Variants in MYO9A observed in about 807,000 individuals in gnomAD.
MYO9A encodes unconventional myosin-IXa.
A neutral mutation model predicts 293.3 loss-of-function variants in MYO9A; 103 were observed. The observed-to-expected ratio is 0.35, with a 90% confidence interval of 0.30 to 0.41. The LOEUF (loss-of-function observed/expected upper bound fraction) is 0.41, where lower values mean the gene tolerates loss of function less well. MYO9A is among the 10% of genes least tolerant of loss of function. The probability of loss-of-function intolerance (pLI) is 1.00; values close to 1 mark genes in which losing one functional copy is unlikely to be tolerated. For missense variants in MYO9A, 2,685 were observed against 3,033.0 expected (o/e 0.89, Z 2.69); for synonymous variants, 1,001 against 1,035.7 (o/e 0.97, Z 0.64).
In MYO9A at chr15:71,916,437, C is replaced by T. The variant is rs752551084; in HGVS notation, c.2618G>A (p.Arg873His). Reference sequence around the variant, plus strand: ...TAAATGAAGAAGAGACTTGGTAATGCGATCTTGTAGTGTCAGTCTTGTCAG... The same window carrying T: ...TAAATGAAGAAGAGACTTGGTAATGTGATCTTGTAGTGTCAGTCTTGTCAG... ...KHLTRLTLQD[R>H]ITKSLLHLHK... The change falls in exon 19 of 42, where the codon CGC (arginine) becomes CAC (histidine). Residue 873 changes from arginine to histidine, a missense_variant. By Grantham distance (29) the Arg-to-His change is conservative. Transcript: ENST00000356056. The T allele has an allele frequency of 2.9e-5, 46 of 1,613,198 alleles. No individual in the cohort carries two copies. The highest frequency in any genetic ancestry group is 3.6e-5 in the Non-Finnish European group (42 of 1,179,700).
intron 19 of MYO9A, among the ~76,000 whole-genome samples, chr15:71,906,173 T>C (rs942645500): frequency 6.6e-6 from 1 of 152,192 alleles, no homozygotes; most frequent in South Asian, 2.1e-4. Flanking sequence ...TTAATTCTAT[T>C]ATAAATACAA....
intron 1 of MYO9A, among the ~76,000 whole-genome samples, chr15:72,056,762 G>A (rs1431116423): frequency 1.3e-5 from 2 of 152,158 alleles, no homozygotes; most frequent in African/African-American, 2.4e-5. Context: ...GATCACCTGA[G>A]GTCAGGAGTT....
intron 1 of MYO9A, among the ~76,000 whole-genome samples, chr15:72,106,814 G>A (rs894556130): frequency 9.9e-5 from 15 of 152,032 alleles, no homozygotes; most frequent in Admixed American, 7.9e-4. Flanking sequence ...AAAATAAGTA[G>A]ACCTAACTGC....
chr15:71,855,421 C>T (rs1268827909), intron 34 of MYO9A, among the ~76,000 whole-genome samples: 6 of 152,204 alleles, frequency 3.9e-5, no homozygotes, highest in Admixed American at 3.9e-4. Flanking sequence ...CAGGCATGAA[C>T]CACTGTGTCC....
intron 6 of MYO9A, among the ~76,000 whole-genome samples, chr15:72,014,380 C>T (rs1014668447): frequency 3.3e-5 from 5 of 152,058 alleles, no homozygotes; most frequent in Non-Finnish European, 4.4e-5. Flanking sequence ...TTCTTAAGTA[C>T]CATTTTAAGA....
intron 9 of MYO9A, among the ~76,000 whole-genome samples, chr15:71,998,194 T>G (rs189463753): frequency 1.3e-5 from 2 of 152,144 alleles, no homozygotes; most frequent in Non-Finnish European, 2.9e-5. Context: ...CTGGAGACCA[T>G]TATCCATTGC....
At chr15:71,992,361 T>C (rs2076565686) in intron 10 of MYO9A, among the ~76,000 whole-genome samples, 1 of 152,202 alleles carries the variant, frequency 6.6e-6, no homozygotes, top group South Asian at 2.1e-4. Flanking sequence ...TACAGTTGTA[T>C]GACAATTTTG....
intron 32 of MYO9A, among the ~76,000 whole-genome samples, chr15:71,870,381 T>A (rs543357937): frequency 6.6e-6 from 1 of 152,190 alleles, no homozygotes; most frequent in Non-Finnish European, 1.5e-5. Context: ...GGAATAGTAA[T>A]TGTTTCTATT....
At position 71,968,043 on chromosome 15, in the gene MYO9A, C is replaced by T. The variant is rs1036266540; in HGVS notation, c.1927G>A (p.Val643Met). The change falls in exon 13 of 42, where the codon GTG (valine) becomes ATG (methionine). Residue 643 changes from valine to methionine, a missense_variant. By Grantham distance (21) the Val-to-Met change is conservative. Around this residue, in one of 10 missense-constraint regions of MYO9A, gnomAD observed 201 missense variants for 245.2 expected, o/e 0.82. Transcript: ENST00000356056. ...TTTATAATGAAAGCAGGCTCCATCA[C>T]GGCTGGAAATTCGATGTAAGAATTA... ...EDNSYIEFPA[V>M]MEPAFIIKHY... 2.5e-6 allele frequency: 4 copies of T among 1,612,110 alleles called. No individual in the cohort carries two copies. Among genetic ancestry groups the T allele is most frequent in the African/African-American group, 1.3e-5 (1 of 74,770 alleles).
chr15:72,039,661 T>G (rs2078166501), intron 2 of MYO9A, among the ~76,000 whole-genome samples: 1 of 151,948 alleles, frequency 6.6e-6, no homozygotes, highest in Non-Finnish European at 1.5e-5. Flanking sequence ...AAACCCCATC[T>G]CTACTAAAGA....
At chr15:72,085,688 A>G (rs746574429) in intron 1 of MYO9A, among the ~76,000 whole-genome samples, 6 of 152,156 alleles carry the variant, frequency 3.9e-5, no homozygotes, top group Non-Finnish European at 8.8e-5. Flanking sequence ...TCTGGAGAAA[A>G]GAAGGCACTC....
chr15:71,910,165 C>CGT (rs1491383552), intron 19 of MYO9A, among the ~76,000 whole-genome samples: 41 of 8,204 alleles, frequency 5.0e-3, no homozygotes, highest in South Asian at 0.017. Flanking sequence ...TATATATATA[C>CGT]GTGTATATAT....
In MYO9A at chr15:71,886,807, T is replaced by C. The variant is rs114403766; in HGVS notation, c.5255+1197A>G. ...TGGGGGAGGACGTGGAAACTAAATA[T>C]ATATAATCTATTATTTCCAGATGTA... On this transcript the variant is annotated intron_variant, in intron 27 of 41. Coordinates refer to ENST00000356056, the MANE Select transcript of MYO9A (RefSeq NM_006901.4). 5.6e-3 allele frequency among the ~76,000 whole-genome samples: 859 copies of C among 152,218 alleles called. 12 individuals are homozygous for C. Among genetic ancestry groups the C allele is most frequent in the African/African-American group, 0.02 (813 of 41,540 alleles).
At position 71,942,065 on chromosome 15, in the gene MYO9A, A is replaced by G. The variant is rs561064338; in HGVS notation, c.2303-3138T>C. ...CCAACAAATCAATAAGCACAATTAT[A>G]TACATTATATATAATCATATAAATT... On this transcript the variant is annotated intron_variant, in intron 15 of 41. Coordinates refer to ENST00000356056, the MANE Select transcript of MYO9A (RefSeq NM_006901.4). Among the ~76,000 whole-genome samples, 38 of 152,200 alleles carry G rather than the reference A, an allele frequency of 2.5e-4. 2 individuals carry two copies. The South Asian group carries it at 7.9e-3, about 32-fold the overall frequency.
At chr15:71,887,449 C>G (rs1183506651) in intron 27 of MYO9A, among the ~76,000 whole-genome samples, 1 of 152,160 alleles carries the variant, frequency 6.6e-6, no homozygotes, top group East Asian at 1.9e-4. Flanking sequence ...TCTCTACCAA[C>G]AAGGACAGAA....
intron 7 of MYO9A, among the ~76,000 whole-genome samples, chr15:72,008,808 T>C (rs1253941832): frequency 6.6e-6 from 1 of 152,164 alleles, no homozygotes; most frequent in African/African-American, 2.4e-5. Flanking sequence ...AGTCTCCTTA[T>C]ATATATACAG....
chr15:72,017,288 C>T (rs1219850512), intron 6 of MYO9A, among the ~76,000 whole-genome samples: 1 of 152,104 alleles, frequency 6.6e-6, no homozygotes, highest in East Asian at 1.9e-4. Flanking sequence ...TGTTGAATTA[C>T]AGGCGTGAGC....
chr15:71,851,877 T>C (rs2055663787), intron 36 of MYO9A, among the ~76,000 whole-genome samples: 1 of 152,224 alleles, frequency 6.6e-6, no homozygotes, highest in Admixed American at 6.5e-5. Context: ...AACCCCAGTC[T>C]TTCCATTTCT....
rs114462928 is a variant in MYO9A at position 71,935,613 on chromosome 15, A to T, written c.2379-129T>A. ...AAAATGCTAAACCAACCAAAAACTGATTTCATCCAAATGACTGCCAATCAG... is the reference window on the plus strand; with the variant it reads ...AAAATGCTAAACCAACCAAAAACTGTTTTCATCCAAATGACTGCCAATCAG... On this transcript the variant is annotated intron_variant, in intron 16 of 41. Coordinates refer to ENST00000356056, the MANE Select transcript of MYO9A (RefSeq NM_006901.4). The T allele has an allele frequency of 2.6e-3, 2,265 of 855,354 alleles. 31 individuals carry two copies. In the African/African-American group the frequency reaches 0.034, roughly 13 times the overall value. 53.0% of individuals were successfully genotyped at this position (855,354 alleles called of 1,614,324 possible).
Sources: gnomAD v4.1 joint callset for allele counts (sites outside exome capture counted in the v4.1 genomes callset) on GRCh38, gnomAD v4.1.1 for gene constraint, gnomAD v4.1.1 regional missense constraint, MANE v1.5 for transcripts, NCBI Gene and HGNC (gene_info 2026-07-23, HGNC 2026-07-21) for gene names.